MATCAP2: variants seen among roughly 807,000 people sequenced by gnomAD.
MATCAP2 encodes microtubule associated tyrosine carboxypeptidase 2.
At chr7:36,360,577 G>T in the MATCAP2 span, among the ~76,000 whole-genome samples, 1 of 151,956 alleles carries the variant, frequency 6.6e-6, no homozygotes, top group African/African-American at 2.4e-5. Flanking sequence ...ATAAAAGTGG[G>T]GCACATGGTC....
chr7:36,341,167 C>T, the MATCAP2 span, among the ~76,000 whole-genome samples: 2 of 152,170 alleles, frequency 1.3e-5, no homozygotes, highest in Non-Finnish European at 1.5e-5. Flanking sequence ...TCAATGTTTA[C>T]ACCACTTGAA....
At chr7:36,367,328 G>C in the MATCAP2 span, 2 of 1,002,800 alleles carry the variant, frequency 2.0e-6, no homozygotes, top group Non-Finnish European at 2.4e-6. Context: ...GGCGGCGAGA[G>C]AGAGTGGGAG....
chr7:36,379,505 C>T, the MATCAP2 span, among the ~76,000 whole-genome samples: 3 of 152,048 alleles, frequency 2.0e-5, no homozygotes, highest in Non-Finnish European at 2.9e-5. Flanking sequence ...TACCTATATA[C>T]ATACATGACT....
the MATCAP2 span, among the ~76,000 whole-genome samples, chr7:36,373,364 T>C: frequency 2.0e-5 from 3 of 152,164 alleles, no homozygotes; most frequent in Non-Finnish European, 4.4e-5. Context: ...TCTGAGAAAG[T>C]ACCTTTGAGC....
chr7:36,357,529 T>C, the MATCAP2 span: 4 of 1,614,152 alleles, frequency 2.5e-6, no homozygotes, highest in Non-Finnish European at 3.4e-6. Flanking sequence ...CAATGATCAA[T>C]GAATCTTCTG....
the MATCAP2 span, among the ~76,000 whole-genome samples, chr7:36,376,576 G>T: frequency 6.6e-6 from 1 of 152,168 alleles, no homozygotes; most frequent in Non-Finnish European, 1.5e-5. Context: ...TGCTGTTTTG[G>T]AGTGGAGAGT....
chr7:36,386,544 A>C, the MATCAP2 span, among the ~76,000 whole-genome samples: 7 of 152,252 alleles, frequency 4.6e-5, no homozygotes, highest in South Asian at 1.5e-3. Flanking sequence ...ACAAACCAAA[A>C]AATTGGCAAG....
the MATCAP2 span, among the ~76,000 whole-genome samples, chr7:36,333,575 C>CA: frequency 0.043 from 6,289 of 145,836 alleles, 191 homozygotes; most frequent in Non-Finnish European, 0.065. Flanking sequence ...GCAAAAAAAG[C>CA]AAAAAAAGAA....
the MATCAP2 span, chr7:36,334,196 A>C: frequency 2.7e-6 from 4 of 1,507,730 alleles, no homozygotes; most frequent in Non-Finnish European, 3.6e-6. Context: ...AGAAAAAGAA[A>C]TGCCATTCTT....
At chr7:36,383,364 A>G in the MATCAP2 span, among the ~76,000 whole-genome samples, 1 of 152,306 alleles carries the variant, frequency 6.6e-6, no homozygotes, top group South Asian at 2.1e-4. Flanking sequence ...ACATGCACAC[A>G]TATGTTTACT....
the MATCAP2 span, chr7:36,324,835 C>CAA: frequency 6.6e-6 from 1 of 152,164 alleles, no homozygotes; most frequent in Non-Finnish European, 1.5e-5. Flanking sequence ...CCAAATCAGA[C>CAA]AAAGAGAAAA....
chr7:36,373,418 C>T, the MATCAP2 span, among the ~76,000 whole-genome samples: 1 of 152,108 alleles, frequency 6.6e-6, no homozygotes, highest in Non-Finnish European at 1.5e-5. Flanking sequence ...GAATAAGAGT[C>T]GGAATTTTTA....
chr7:36,353,528 T>C, the MATCAP2 span, among the ~76,000 whole-genome samples: 2 of 147,326 alleles, frequency 1.4e-5, no homozygotes, highest in South Asian at 4.3e-4. Flanking sequence ...TGGCCCAGGC[T>C]GGAGTGCAGT....
chr7:36,328,362 A>T, the MATCAP2 span, among the ~76,000 whole-genome samples: 5 of 151,842 alleles, frequency 3.3e-5, no homozygotes, highest in South Asian at 1.0e-3. Context: ...CCCAGCCTTA[A>T]ATTATCTTCA....
the MATCAP2 span, among the ~76,000 whole-genome samples, chr7:36,387,259 T>A: frequency 2.0e-5 from 3 of 152,096 alleles, no homozygotes; most frequent in African/African-American, 4.8e-5. Context: ...CAAATCAAGA[T>A]AGTTTTACCC....
chr7:36,336,363 CTATGT>C, the MATCAP2 span: 4 of 1,207,546 alleles, frequency 3.3e-6, no homozygotes, highest in East Asian at 2.6e-5. Flanking sequence ...CATAAGCTAG[CTATGT>C]TATTTATTGT....
At chr7:36,369,582 T>G in the MATCAP2 span, among the ~76,000 whole-genome samples, 1 of 152,226 alleles carries the variant, frequency 6.6e-6, no homozygotes, top group Non-Finnish European at 1.5e-5. Flanking sequence ...AAAGTATGTT[T>G]AATCATATTG....
At chr7:36,385,818 A>AAAATG in the MATCAP2 span, among the ~76,000 whole-genome samples, 5 of 147,982 alleles carry the variant, frequency 3.4e-5, no homozygotes, top group Non-Finnish European at 7.5e-5. Context: ...AAAATAAAAT[A>AAAATG]AAATAAAATA....
the MATCAP2 span, among the ~76,000 whole-genome samples, chr7:36,351,471 T>A: frequency 1.6e-4 from 24 of 152,298 alleles, no homozygotes; most frequent in African/African-American, 5.8e-4. Context: ...TTGTGTGCTG[T>A]GTTGCTCTGG....
Sources: allele counts gnomAD v4.1 joint callset (sites outside exome capture counted in the v4.1 genomes callset), GRCh38; gene constraint gnomAD v4.1.1; transcripts MANE v1.5; gene names NCBI Gene and HGNC (gene_info 2026-07-23, HGNC 2026-07-21).